Variants in LRRD1 observed in about 807,000 individuals in gnomAD.
The protein encoded by LRRD1 is leucine-rich repeat and death domain-containing protein 1.
In LRRD1, 49 loss-of-function variants were observed where a neutral mutation model predicts 69.5. The observed-to-expected ratio is 0.70, with a 90% CI of 0.56 to 0.89. The LOEUF is 0.89. Ranked by LOEUF, LRRD1 falls within the 40% of genes least tolerant of loss-of-function variation. The pLI is 0.00. For missense variants in LRRD1, 853 were observed against 956.0 expected (o/e 0.89, Z 1.42); for synonymous variants, 303 against 338.9 (o/e 0.89, Z 1.16).
At position 92,170,069 on chromosome 7, in the gene LRRD1, G is replaced by GAA. The variant is rs34392041; in HGVS notation, c.-74-4795_-74-4794dup. Reference sequence around the variant, plus strand: ...GTACTTGGTGGTAGAATGAGACCTTGAAAAAAAAAAGAGAGAGAGAAATAA... The same window carrying GAA: ...GTACTTGGTGGTAGAATGAGACCTTGAAAAAAAAAAAAGAGAGAGAGAAATAA... On this transcript the variant is annotated intron_variant, in intron 1 of 5. Coordinates refer to ENST00000458448, the MANE Select transcript of LRRD1 (RefSeq NM_001161528.2). Among the ~76,000 whole-genome samples the GAA allele has an allele frequency of 0.027, 3,760 of 137,950 alleles. 326 individuals carry two copies. In the East Asian group the frequency reaches 0.35, roughly 13 times the overall value. The allele number at this position is 137,950 out of a possible 152,430, so 90.5% of individuals were successfully genotyped here. A position where few individuals can be genotyped will look rare whatever the true frequency, so the allele number is the denominator to read the frequency against.
At chr7:92,142,630 G>A (rs897323165), downstream of LRRD1, 7 of 420,968 alleles carry the variant, frequency 1.7e-5, no homozygotes, top group South Asian at 3.5e-5. Context: ...TTAAGATGGC[G>A]CCTCTGGAGT....
rs1434654899 is a variant in LRRD1, at chr7:92,163,626, G to C, written c.1577C>G (p.Ser526Cys). 13 of 1,516,934 alleles carry C rather than the reference G, an allele frequency of 8.6e-6. No homozygotes were observed. The highest frequency in any genetic ancestry group is 1.1e-5 in the Non-Finnish European group (13 of 1,135,708). 94.0% of individuals were successfully genotyped at this position (1,516,934 alleles called of 1,614,324 possible). Residue 526 changes from serine (S) to cysteine (C), a missense_variant, in exon 2 of 6, where the codon TCT becomes TGT. Around this residue, in one of 3 missense-constraint regions of LRRD1, gnomAD observed 739 missense variants for 808.0 expected, o/e 0.91. Transcript: ENST00000458448. ...ATTAATAAGAGAACAAAAGTGCTCA[G>C]AAAATATGAGGAGTTTGTTTTCACT... is the stretch of plus-strand genomic sequence containing the variant. ...ELSENKLLIF[S>C]EHFCSLINLK...
chr7:92,173,392 A>G (rs772877372), intron 1 of LRRD1, among the ~76,000 whole-genome samples: 41 of 152,246 alleles, frequency 2.7e-4, no homozygotes, highest in Non-Finnish European at 4.7e-4. Flanking sequence ...GGAAGCAATC[A>G]ACAAAGTGAA....
At chr7:92,154,210 A>G (rs1433052756) in intron 3 of LRRD1, among the ~76,000 whole-genome samples, 1 of 151,932 alleles carries the variant, frequency 6.6e-6, no homozygotes, top group Admixed American at 6.6e-5. Flanking sequence ...TCAGTGTTGT[A>G]TATAAGAAAT....
intron 4 of LRRD1, among the ~76,000 whole-genome samples, chr7:92,150,117 C>A (rs992574628): frequency 1.3e-5 from 2 of 152,226 alleles, no homozygotes; most frequent in Admixed American, 6.5e-5. Flanking sequence ...ATTTTCATAT[C>A]TCTGCCAGAT....
In LRRD1 at chr7:92,163,654, A is replaced by C; in HGVS notation, c.1549T>G (p.Leu517Val). 1.3e-6 allele frequency: 2 copies of C among 1,505,306 alleles called. No individual in the cohort carries two copies. The highest frequency in any genetic ancestry group is 2.6e-5 in the Admixed American group (1 of 39,054). The allele number at this position is 1,505,306 out of a possible 1,614,324, so 93.2% of individuals were successfully genotyped here. ...AATATGAGGAGTTTGTTTTCACTCA[A>C]TTCTAAATGAAGCAGTTGTTTACTG... ...SFSKQLLHLE[L>V]SENKLLIFSE... is the part of the protein sequence containing the mutation. Residue 517 changes from leucine (L) to valine (V), a missense_variant, in exon 2 of 6, where the codon TTG becomes GTG. Physicochemically the swap from Leu to Val is conservative, Grantham distance 32. Around this residue, in one of 3 missense-constraint regions of LRRD1, gnomAD observed 739 missense variants for 808.0 expected, o/e 0.91. Transcript: ENST00000458448.
At chr7:92,142,927 A>G (rs773450924), downstream of LRRD1, 1 of 313,322 alleles carries the variant, frequency 3.2e-6, no homozygotes, top group East Asian at 8.8e-5. Flanking sequence ...ATGCTTCCGC[A>G]GTGTGGAAGG....
intron 1 of LRRD1, among the ~76,000 whole-genome samples, chr7:92,171,263 G>C (rs1210979812): frequency 1.3e-5 from 2 of 151,384 alleles, no homozygotes; most frequent in Non-Finnish European, 3.0e-5. Context: ...GTTTTGAAAA[G>C]ATAAATCAAC....
At chr7:92,161,513 G>A (rs562928240) in intron 2 of LRRD1, among the ~76,000 whole-genome samples, 56 of 152,342 alleles carry the variant, frequency 3.7e-4, no homozygotes, top group African/African-American at 1.3e-3. Flanking sequence ...GATAAGGCTT[G>A]CTAAAAGGGA....
At chr7:92,152,140 AGT>A (rs71528038) in intron 3 of LRRD1, among the ~76,000 whole-genome samples, 278 of 142,784 alleles carry the variant, frequency 1.9e-3, no homozygotes, top group South Asian at 4.5e-3. Flanking sequence ...TGCTTCTGGG[AGT>A]GTGTGTGTGT....
intron 3 of LRRD1, among the ~76,000 whole-genome samples, chr7:92,155,424 A>G (rs1426041764): frequency 2.0e-5 from 3 of 152,178 alleles, no homozygotes; most frequent in Non-Finnish European, 4.4e-5. Context: ...TTCCCAGTTA[A>G]TATTTTCAGA....
chr7:92,169,871 A>ATGGCGCCATTGCACT (rs1789010674), intron 1 of LRRD1, among the ~76,000 whole-genome samples: 1 of 151,660 alleles, frequency 6.6e-6, no homozygotes, highest in Non-Finnish European at 1.5e-5. Context: ...GGAGTTCAAG[A>ATGGCGCCATTGCACT]CCAGCCTAGG....
intron 3 of LRRD1, among the ~76,000 whole-genome samples, chr7:92,157,155 C>A (rs1788677789): frequency 6.6e-6 from 1 of 151,292 alleles, no homozygotes; most frequent in Non-Finnish European, 1.5e-5. Flanking sequence ...CTATGTCTCC[C>A]AAGTAGCTGG....
At chr7:92,161,236 T>C (rs1310329060) in intron 2 of LRRD1, among the ~76,000 whole-genome samples, 1 of 152,270 alleles carries the variant, frequency 6.6e-6, no homozygotes, top group East Asian at 1.9e-4. Flanking sequence ...CATCTGCTAT[T>C]ATATAAGTTA....
intron 1 of LRRD1, among the ~76,000 whole-genome samples, chr7:92,167,525 T>G (rs1462468793): frequency 6.6e-6 from 1 of 151,786 alleles, no homozygotes; most frequent in Non-Finnish European, 1.5e-5. Flanking sequence ...ATAGAAAAAT[T>G]TTTAAAGTAA....
Position 92,159,172 on chromosome 7 carries a change from A to G in LRRD1, c.1949T>C (p.Met650Thr). Residue 650 changes from methionine to threonine, a missense_variant, in exon 3 of 6, where the codon ATG becomes ACG. Physicochemically the swap from Met to Thr is moderately conservative, Grantham distance 81. This residue lies in a region of LRRD1 where 739 missense variants were observed against 808.0 expected (regional missense o/e 0.91). Transcript: ENST00000458448. ...LTRLPGELSN[M>T]TQLKELDISN... ...GATATCAAGTTCTTTAAGTTGAGTC[A>G]TATTAGATAGCTCTCCTGGAAGTCT... 1 of 1,528,496 alleles carries G rather than the reference A, an allele frequency of 6.5e-7. No homozygotes were observed. Among genetic ancestry groups the G allele is most frequent in the Non-Finnish European group, 8.8e-7 (1 of 1,139,064 alleles). The allele number at this position is 1,528,496 out of a possible 1,614,324, so 94.7% of individuals were successfully genotyped here. A position where few individuals can be genotyped will look rare whatever the true frequency, so the allele number is the denominator to read the frequency against.
At chr7:92,148,613 C>T (rs1339456676) in intron 4 of LRRD1, among the ~76,000 whole-genome samples, 17 of 152,134 alleles carry the variant, frequency 1.1e-4, no homozygotes, top group African/African-American at 2.4e-5. Flanking sequence ...AATATGAAGG[C>T]TCCTTGGGTG....
intron 1 of LRRD1, among the ~76,000 whole-genome samples, chr7:92,169,310 CA>C (rs748147435): frequency 1.3e-5 from 2 of 151,816 alleles, no homozygotes; most frequent in Non-Finnish European, 2.9e-5. Context: ...AGAAAATTAT[CA>C]GAAAAATTTA....
At chr7:92,150,140 A>G (rs921803351) in intron 4 of LRRD1, among the ~76,000 whole-genome samples, 1 of 152,194 alleles carries the variant, frequency 6.6e-6, no homozygotes, top group Non-Finnish European at 1.5e-5. Context: ...AAAGCCTCCA[A>G]TTAAAGCAAA....
Sources: allele counts gnomAD v4.1 joint callset (sites outside exome capture counted in the v4.1 genomes callset), GRCh38; gene constraint gnomAD v4.1.1; regional missense constraint gnomAD v4.1.1; transcripts MANE v1.5; gene names NCBI Gene and HGNC (gene_info 2026-07-23, HGNC 2026-07-21).